The following GNA15 variants were observed in gnomAD, a reference collection of about 807,000 sequenced individuals.
The protein encoded by GNA15 is G protein subunit alpha 15.
A neutral mutation model predicts 40.1 loss-of-function variants in GNA15; 23 were observed. The observed-to-expected ratio is 0.57, with a 90% CI of 0.41 to 0.81. GNA15 has a LOEUF of 0.81. GNA15 is among the 40% of genes least tolerant of loss of function. The probability of loss-of-function intolerance (pLI) is 0.00; values close to 1 mark genes in which losing one functional copy is unlikely to be tolerated. For synonymous variants in GNA15, 226 were observed against 210.4 expected (o/e 1.07, Z -0.64); for missense variants, 522 against 515.8 (o/e 1.01, Z -0.12).
intron 1 of GNA15, among the ~76,000 whole-genome samples, chr19:3,140,047 C>CTATCTATCTATCTATCTATCTATCTATG (rs767041607): frequency 0.023 from 3,100 of 135,480 alleles, 74 homozygotes; most frequent in East Asian, 0.059. Flanking sequence ...AAAAAAAAAT[C>CTATCTATCTATCTATCTATCTATCTATG]TATCTATCTA....
intron 2 of GNA15, 28 bp from the exon 3 acceptor site, chr19:3,150,103 C>T (rs761169057): frequency 3.1e-6 from 5 of 1,604,222 alleles, no homozygotes; most frequent in Non-Finnish European, 4.3e-6. Context: ...GAAAGGCTAC[C>T]CTAACTGCCC....
At chr19:3,150,852 GGACCCTGTTTCAGGGGT>G (rs1178837464) in intron 3 of GNA15, among the ~76,000 whole-genome samples, 4 of 151,980 alleles carry the variant, frequency 2.6e-5, no homozygotes, top group African/African-American at 9.6e-5. Context: ...GTTCCCGTGA[GGACCCTGTTTCAGGGGT>G]GACCCTGTTT....
chr19:3,162,848 G>A lies in GNA15; in HGVS notation c.954G>A (p.Arg318=), dbSNP rs1915170785. Residue 318 remains arginine, a synonymous_variant, in exon 7 of 7, where the codon AGG becomes AGA. Coordinates refer to ENST00000262958, the MANE Select transcript of GNA15 (RefSeq NM_002068.4). ...GGTTCATCCTGGACATGTACACGAG[G>A]ATGTACACCGGGTGCGTGGACGGCC... ...AKRFILDMYT[R]MYTGCVDGPE... is the part of the protein sequence containing the mutation. The A allele has an allele frequency of 6.2e-7, 1 of 1,613,836 alleles. No homozygotes were observed. Among genetic ancestry groups the A allele is most frequent in the Non-Finnish European group, 8.5e-7 (1 of 1,179,892 alleles).
chr19:3,149,994 C>T (rs1177905617), intron 2 of GNA15, 137 bp from the exon 3 acceptor site: 7 of 689,812 alleles, frequency 1.0e-5, no homozygotes, highest in Admixed American at 5.7e-5. Flanking sequence ...GCGGGGGGGT[C>T]GGGAGCTCTG....
chr19:3,151,689 G>A lies in GNA15; in HGVS notation c.486-18G>A. ...AGGCTGGCTGCAAGGCTGGGCCTCA[G>A]GACTCCTTGCTCTGCAGCTACCTGT... On this transcript the variant is annotated intron_variant, in intron 3 of 6. Transcript: ENST00000262958. This position sits in a 1 kb window ranked among gnomAD's most constrained non-coding sequence, Gnocchi z 5.0. 6.4e-7 allele frequency: 1 copy of A among 1,573,598 alleles called. No homozygotes were observed. The highest frequency in any genetic ancestry group is 1.8e-5 in the Admixed American group (1 of 54,678).
chr19:3,155,957 GCCA>G lies in GNA15; in HGVS notation c.744+8_744+10del, dbSNP rs1915004464. 2.5e-6 allele frequency: 4 copies of G among 1,612,996 alleles called. No homozygotes were observed. The African/African-American group carries it at 5.3e-5, about 22-fold the overall frequency. ...CTGGAGGAGAACAACCAGGAGGTGC[GCCA>G]CCGCCTCCCTCGCCCTGCCCACTTG... On this transcript the variant is annotated splice_donor_region_variant and intron_variant, in intron 5 of 6. Coordinates refer to ENST00000262958, the MANE Select transcript of GNA15 (RefSeq NM_002068.4). This position sits in a 1 kb window ranked among gnomAD's most constrained non-coding sequence, Gnocchi z 5.6.
At chr19:3,138,537 G>A (rs961415396) in intron 1 of GNA15, among the ~76,000 whole-genome samples, 1 of 152,248 alleles carries the variant, frequency 6.6e-6, no homozygotes, top group African/African-American at 2.4e-5. Context: ...GAGGCCGCCC[G>A]AGAGGAAAGA....
At chr19:3,142,701 G>A (rs902444882) in intron 1 of GNA15, among the ~76,000 whole-genome samples, 1 of 151,896 alleles carries the variant, frequency 6.6e-6, no homozygotes, top group Non-Finnish European at 1.5e-5. Context: ...GTGAAACCTC[G>A]TCTCTACTAA....
In GNA15 at chr19:3,136,569, G is replaced by T. The variant is rs764892056; in HGVS notation, c.119G>T (p.Arg40Leu). ...CTCTTGGAGCAGAAGAAGCAGGACCGCGGGGAGCTGAAGCTGCTGCTTTTG... is the reference window on the plus strand; with the variant it reads ...CTCTTGGAGCAGAAGAAGCAGGACCTCGGGGAGCTGAAGCTGCTGCTTTTG... The part of the protein sequence containing the change: ...RILLEQKKQD[R>L]GELKLLLLGP... The change falls in exon 1 of 7, where the codon CGC becomes CTC. Residue 40 changes from arginine (R) to leucine (L), a missense_variant. By Grantham distance (102) the Arg-to-Leu change is moderately radical (BLOSUM62 -2). Transcript: ENST00000262958. This position sits in a 1 kb window ranked among gnomAD's most constrained non-coding sequence, Gnocchi z 4.9. The T allele has an allele frequency of 1.3e-6, 2 of 1,565,188 alleles. No individual in the cohort carries two copies. Among genetic ancestry groups the T allele is most frequent in the Non-Finnish European group, 1.7e-6 (2 of 1,155,206 alleles).
intron 1 of GNA15, among the ~76,000 whole-genome samples, chr19:3,138,204 T>C (rs1007111609): frequency 2.0e-5 from 3 of 151,950 alleles, no homozygotes; most frequent in African/African-American, 7.3e-5. Context: ...AGGTGGAGGC[T>C]GCAGTGAGCC....
chr19:3,138,860 G>C (rs1296601178), intron 1 of GNA15, among the ~76,000 whole-genome samples: 10 of 148,834 alleles, frequency 6.7e-5, no homozygotes, highest in African/African-American at 2.5e-4. Context: ...GGCTGGTCTC[G>C]AACTCCTGAC....
intron 4 of GNA15, among the ~76,000 whole-genome samples, 184 bp downstream of exon 4, chr19:3,152,019 C>A (rs563204128): frequency 6.6e-5 from 10 of 152,272 alleles, no homozygotes; most frequent in East Asian, 1.9e-4. Context: ...AGGACTGGGA[C>A]CTGTAGGAGC....
intron 1 of GNA15, among the ~76,000 whole-genome samples, chr19:3,140,613 G>A (rs768159673): frequency 2.6e-5 from 4 of 151,970 alleles, no homozygotes; most frequent in Non-Finnish European, 5.9e-5. Context: ...CTTGTTTATT[G>A]TTTATCTCTC....
chr19:3,137,875 C>T (rs1307810259), intron 1 of GNA15, among the ~76,000 whole-genome samples: 11 of 151,870 alleles, frequency 7.2e-5, no homozygotes, highest in Admixed American at 6.6e-4. Context: ...GCATGAGAAT[C>T]GCTTGAACCC....
intron 1 of GNA15, among the ~76,000 whole-genome samples, chr19:3,138,642 T>A (rs934531753): frequency 4.6e-5 from 7 of 152,148 alleles, no homozygotes; most frequent in Non-Finnish European, 1.0e-4. Flanking sequence ...TTTATTTTTA[T>A]TTTTTTGAGA....
chr19:3,156,974 A>G (rs930262568), intron 5 of GNA15, among the ~76,000 whole-genome samples: 1 of 151,854 alleles, frequency 6.6e-6, no homozygotes, highest in African/African-American at 2.4e-5. Context: ...GATGTACCCC[A>G]TAACACAAGG....
At chr19:3,152,747 G>T (rs1914908366) in intron 4 of GNA15, among the ~76,000 whole-genome samples, 1 of 152,150 alleles carries the variant, frequency 6.6e-6, no homozygotes, top group Non-Finnish European at 1.5e-5. Flanking sequence ...GTCATGCCCA[G>T]AGACAGCGAT....
intron 1 of GNA15, among the ~76,000 whole-genome samples, chr19:3,147,557 G>GA (rs869091041): frequency 2.7e-4 from 8 of 29,882 alleles, no homozygotes; most frequent in African/African-American, 8.6e-4. Flanking sequence ...TAAAAAAAAA[G>GA]AAAAAAAGAA....
chr19:3,149,992 G>GC (rs764262269), intron 2 of GNA15, 139 bp from the exon 3 acceptor site: 16 of 670,214 alleles, frequency 2.4e-5, no homozygotes, highest in South Asian at 9.3e-5. Flanking sequence ...GTGCGGGGGG[G>GC]TCGGGAGCTC....
Sources: gnomAD v4.1 joint callset for allele counts (sites outside exome capture counted in the v4.1 genomes callset) on GRCh38, gnomAD v4.1.1 for gene constraint, Gnocchi (gnomAD v3.1) non-coding constraint, MANE v1.5 for transcripts, NCBI Gene and HGNC (gene_info 2026-07-23, HGNC 2026-07-21) for gene names.